Variants in FAM13B observed in about 807,000 individuals in gnomAD.
FAM13B encodes family with sequence similarity 13 member B.
A neutral mutation model predicts 117.3 loss-of-function variants in FAM13B; 60 were observed. That is an observed-to-expected ratio of 0.51 (90% CI 0.42 to 0.63). FAM13B has a LOEUF of 0.63. Among genes scored for constraint, FAM13B ranks in the 30% least tolerant of loss-of-function variants. The pLI is 0.00. For synonymous variants in FAM13B, 332 were observed against 356.1 expected, an observed-to-expected ratio of 0.93 and a Z score of 0.76; for missense variants, 972 against 1,091.9, an observed-to-expected ratio of 0.89 and a Z score of 1.55.
At chr5:137,946,020 T>C (rs375497404) in intron 19 of FAM13B, 23 bp from the exon 20 acceptor site, 2 of 1,559,354 alleles carry the variant, frequency 1.3e-6, no homozygotes, top group African/African-American at 1.4e-5. Flanking sequence ...AAAAAAGAAA[T>C]TGTCTAGTCA....
chr5:138,003,200 T>C (rs1781713086), intron 7 of FAM13B, among the ~76,000 whole-genome samples: 1 of 152,152 alleles, frequency 6.6e-6, no homozygotes, highest in African/African-American at 2.4e-5. Flanking sequence ...AATTTTTTAA[T>C]ATGAGCATCT....
intron 13 of FAM13B, 122 bp from the exon 14 acceptor site, chr5:137,956,664 T>C (rs1766648500): frequency 2.1e-6 from 1 of 473,948 alleles, no homozygotes; most frequent in Non-Finnish European, 3.5e-6. Context: ...CAGTTAGGCA[T>C]TCTGTTCAAA....
chr5:137,953,892 C>T lies in FAM13B; in HGVS notation c.1718+274G>A, dbSNP rs1404343127. ...ATACATAAATAAATGAATAATACACCACGAGAAAATGTCTATTTGAGAGCA... is the reference window on the plus strand; with the variant it reads ...ATACATAAATAAATGAATAATACACTACGAGAAAATGTCTATTTGAGAGCA... On this transcript the variant is annotated intron_variant, in intron 15 of 23. Coordinates refer to ENST00000689681, the MANE Select transcript of FAM13B (RefSeq NM_001385994.1). 2.0e-5 allele frequency among the ~76,000 whole-genome samples: 3 copies of T among 152,094 alleles called. No homozygotes were observed. The East Asian group carries it at 5.8e-4, about 29-fold the overall frequency.
intron 19 of FAM13B, 65 bp downstream of exon 19, chr5:137,946,163 A>G: frequency 1.2e-5 from 17 of 1,439,148 alleles, no homozygotes; most frequent in Non-Finnish European, 1.5e-5. Flanking sequence ...AATGTAGGCC[A>G]CAAAATTGAT....
rs1184424637 is a variant in FAM13B, at chr5:137,970,923, T to C, written c.1180-8454A>G. Among the ~76,000 whole-genome samples the C allele has an allele frequency of 2.0e-5, 3 of 152,006 alleles. No individual in the cohort carries two copies. The East Asian group carries it at 5.8e-4, about 29-fold the overall frequency. On this transcript the variant is annotated intron_variant, in intron 10 of 23. Transcript: ENST00000689681. ...CAAGAAGAGCTAACTATCCTAAATA[T>C]ATATGCACCCAATACAGGAGCACCC... is the stretch of plus-strand genomic sequence containing the variant.
intron 4 of FAM13B, among the ~76,000 whole-genome samples, chr5:138,016,521 C>T (rs1481165730): frequency 1.3e-5 from 2 of 152,140 alleles, no homozygotes; most frequent in African/African-American, 4.8e-5. Flanking sequence ...GTAGTCCCAG[C>T]TACTCAAGAG....
intron 1 of FAM13B, among the ~76,000 whole-genome samples, chr5:138,024,997 A>G (rs1253995617): frequency 2.6e-5 from 4 of 151,614 alleles, no homozygotes; most frequent in Non-Finnish European, 4.4e-5. Flanking sequence ...CAGCCTCCTG[A>G]GTAGTAGAGA....
At chr5:137,992,294 G>T (rs1581193997) in intron 7 of FAM13B, among the ~76,000 whole-genome samples, 2 of 146,032 alleles carry the variant, frequency 1.4e-5, no homozygotes, top group Non-Finnish European at 3.0e-5. Context: ...TCCTGACAAA[G>T]AATTGAAAAA....
chr5:137,956,209 C>T (rs1407748138), intron 14 of FAM13B, among the ~76,000 whole-genome samples: 2 of 152,208 alleles, frequency 1.3e-5, no homozygotes, highest in African/African-American at 4.8e-5. Context: ...ACAAAGCGTG[C>T]AATCCCACAA....
intron 7 of FAM13B, among the ~76,000 whole-genome samples, chr5:138,005,758 C>T (rs1314680573): frequency 6.6e-6 from 1 of 152,014 alleles, no homozygotes; most frequent in Admixed American, 6.6e-5. Flanking sequence ...CAGAGGCCTA[C>T]AGAGAAATGT....
intron 10 of FAM13B, among the ~76,000 whole-genome samples, chr5:137,969,391 C>A (rs1388731927): frequency 7.2e-5 from 11 of 152,162 alleles, no homozygotes; most frequent in South Asian, 4.1e-4. Context: ...AGACCTGCAG[C>A]TGAGGGTCCT....
intron 10 of FAM13B, among the ~76,000 whole-genome samples, chr5:137,969,167 C>T (rs1464056895): frequency 6.6e-6 from 1 of 152,246 alleles, no homozygotes; most frequent in Non-Finnish European, 1.5e-5. Flanking sequence ...AGGGCACAGA[C>T]AAACAAAAAG....
At chr5:137,979,276 G>A (rs1410877575) in intron 10 of FAM13B, among the ~76,000 whole-genome samples, 1 of 152,098 alleles carries the variant, frequency 6.6e-6, no homozygotes, top group African/African-American at 2.4e-5. Context: ...GCCTCCCAAA[G>A]TGCAAGGATT....
upstream of FAM13B, chr5:138,036,898 A>G (rs1484722065): frequency 3.0e-6 from 1 of 333,860 alleles, no homozygotes; most frequent in Non-Finnish European, 5.8e-6. Context: ...TGCTGAATAC[A>G]GACATTTTTG....
intron 10 of FAM13B, among the ~76,000 whole-genome samples, chr5:137,973,565 T>C (rs962300095): frequency 8.5e-5 from 13 of 152,252 alleles, no homozygotes; most frequent in Non-Finnish European, 1.3e-4. Context: ...ACTTCATGTC[T>C]AAAACACTAA....
At chr5:137,963,742 G>A (rs1768848495) in intron 10 of FAM13B, among the ~76,000 whole-genome samples, 1 of 152,206 alleles carries the variant, frequency 6.6e-6, no homozygotes, top group Admixed American at 6.5e-5. Context: ...ACTATGGCAT[G>A]AGCTCCGCGC....
At chr5:138,007,759 C>T (rs1482229948) in intron 6 of FAM13B, among the ~76,000 whole-genome samples, 2 of 152,202 alleles carry the variant, frequency 1.3e-5, no homozygotes, top group Non-Finnish European at 2.9e-5. Flanking sequence ...AAATGTCCTC[C>T]ATTATGAAAC....
intron 10 of FAM13B, among the ~76,000 whole-genome samples, chr5:137,969,929 G>C (rs543986531): frequency 8.5e-5 from 13 of 152,186 alleles, no homozygotes; most frequent in Non-Finnish European, 1.5e-4. Context: ...AAAAAGAAAT[G>C]AGCAAAGCCT....
intron 7 of FAM13B, among the ~76,000 whole-genome samples, chr5:138,000,285 G>C (rs980040326): frequency 6.6e-6 from 1 of 152,050 alleles, no homozygotes; most frequent in Non-Finnish European, 1.5e-5. Flanking sequence ...TGTAGTCCTA[G>C]CTATTCATCA....
Sources: allele counts gnomAD v4.1 joint callset (sites outside exome capture counted in the v4.1 genomes callset), GRCh38; gene constraint gnomAD v4.1.1; transcripts MANE v1.5; gene names NCBI Gene and HGNC (gene_info 2026-07-23, HGNC 2026-07-21).